PLPPR1: variants seen among roughly 807,000 people sequenced by gnomAD.
PLPPR1 encodes phospholipid phosphatase related 1.
Under a neutral mutation model 33.1 loss-of-function variants are expected in PLPPR1, and 10 were observed. That is an observed-to-expected ratio of 0.30 (90% CI 0.19 to 0.51). The LOEUF (loss-of-function observed/expected upper bound fraction) is 0.51. Among genes scored for constraint, PLPPR1 ranks in the 20% least tolerant of loss-of-function variants. The pLI is 0.97. For missense variants in PLPPR1, 304 were observed against 408.1 expected (o/e 0.74, Z 2.20); for synonymous variants, 151 against 151.0 (o/e 1.00, Z 0.00).
intron 2 of PLPPR1, among the ~76,000 whole-genome samples, chr9:101,232,041 C>G (rs896895063): frequency 7.2e-5 from 11 of 152,056 alleles, no homozygotes; most frequent in African/African-American, 2.7e-4. Flanking sequence ...CACATTTCAG[C>G]ACTTTTATGC....
intron 3 of PLPPR1, among the ~76,000 whole-genome samples, chr9:101,270,327 T>C (rs1018214755): frequency 6.6e-6 from 1 of 152,248 alleles, no homozygotes; most frequent in South Asian, 2.1e-4. Flanking sequence ...GAGAATGTTA[T>C]AAATCAACAG....
At chr9:101,034,694 G>GAGTA (rs1039832428) in intron 1 of PLPPR1, among the ~76,000 whole-genome samples, 2 of 152,162 alleles carry the variant, frequency 1.3e-5, no homozygotes, top group African/African-American at 4.8e-5. Flanking sequence ...AGGTCGGACA[G>GAGTA]AGTAAGTACC....
chr9:101,182,497 A>G (rs1480230884), intron 1 of PLPPR1, among the ~76,000 whole-genome samples: 1 of 151,858 alleles, frequency 6.6e-6, no homozygotes, highest in African/African-American at 2.4e-5. Context: ...ATAAATATAT[A>G]TAACTATTAT....
chr9:101,181,666 G>GTA (rs1385026419), intron 1 of PLPPR1, among the ~76,000 whole-genome samples: 5 of 146,318 alleles, frequency 3.4e-5, no homozygotes, highest in African/African-American at 5.1e-5. Context: ...GTATGTATAT[G>GTA]TATATATATG....
At chr9:101,196,285 G>C (rs1401724342) in intron 2 of PLPPR1, among the ~76,000 whole-genome samples, 1 of 152,166 alleles carries the variant, frequency 6.6e-6, no homozygotes, top group Non-Finnish European at 1.5e-5. Flanking sequence ...TAGGAAGTCT[G>C]CTTTTAAGAG....
intron 7 of PLPPR1, among the ~76,000 whole-genome samples, chr9:101,320,201 A>G (rs193213594): frequency 2.8e-4 from 42 of 152,358 alleles, no homozygotes; most frequent in Non-Finnish European, 5.1e-4. Context: ...CTTTGTGATT[A>G]TGGATGCCGC....
intron 1 of PLPPR1, among the ~76,000 whole-genome samples, chr9:101,034,413 A>G (rs977782345): frequency 2.0e-5 from 3 of 152,134 alleles, no homozygotes; most frequent in African/African-American, 7.2e-5. Flanking sequence ...CCATACCTCA[A>G]TGGTACCACT....
chr9:101,124,118 G>T (rs776654446), intron 1 of PLPPR1, among the ~76,000 whole-genome samples: 1 of 152,040 alleles, frequency 6.6e-6, no homozygotes, highest in African/African-American at 2.4e-5. Context: ...ATTGAGCAAG[G>T]CACTTTCATG....
intron 2 of PLPPR1, among the ~76,000 whole-genome samples, chr9:101,223,217 T>A (rs1015276461): frequency 1.3e-5 from 2 of 149,606 alleles, no homozygotes; most frequent in African/African-American, 4.9e-5. Flanking sequence ...GAGCCTGTAG[T>A]GCCAGCTATT....
chr9:101,284,776 C>A (rs1346510561), intron 3 of PLPPR1, among the ~76,000 whole-genome samples: 1 of 152,108 alleles, frequency 6.6e-6, no homozygotes, highest in Non-Finnish European at 1.5e-5. Flanking sequence ...GACATTCCAG[C>A]ATGACAGGAG....
intron 4 of PLPPR1, among the ~76,000 whole-genome samples, chr9:101,295,526 G>T (rs1407019070): frequency 2.0e-5 from 3 of 151,990 alleles, no homozygotes; most frequent in African/African-American, 7.3e-5. Context: ...AAAGCTGGAG[G>T]CATCACACTA....
chr9:101,156,565 AAAAAAAAAG>A lies in PLPPR1; in HGVS notation c.-45-28881_-45-28873del, dbSNP rs1376695415. ...AAACCCTGTCTCCAAAAAAAAAAAAAAAAAAAAAGAAAGAAAGAAAGAAAAAAAAGAAAT... is the reference window on the plus strand; with the variant it reads ...AAACCCTGTCTCCAAAAAAAAAAAAAAAAGAAAGAAAGAAAAAAAAGAAAT... On this transcript the variant is annotated intron_variant, in intron 1 of 7. Coordinates refer to ENST00000374874, the MANE Select transcript of PLPPR1 (RefSeq NM_207299.2). Among the ~76,000 whole-genome samples, 185 of 148,106 alleles carry A rather than the reference AAAAAAAAAG, an allele frequency of 1.2e-3. 1 individual carries two copies. Among genetic ancestry groups the A allele is most frequent in the Non-Finnish European group, 2.0e-3 (132 of 66,840 alleles).
chr9:101,184,344 T>G (rs1030133286), intron 1 of PLPPR1, among the ~76,000 whole-genome samples: 18 of 151,878 alleles, frequency 1.2e-4, no homozygotes, highest in Admixed American at 3.9e-4. Context: ...GGATATGTAT[T>G]TTAAAGTTTC....
chr9:101,263,368 T>G (rs1031674583), intron 2 of PLPPR1, among the ~76,000 whole-genome samples: 2 of 152,334 alleles, frequency 1.3e-5, no homozygotes, highest in Middle Eastern at 3.4e-3. Context: ...TTAGACAATT[T>G]AGAATGAAGC....
At chr9:101,186,188 C>T (rs999451455) in intron 2 of PLPPR1, among the ~76,000 whole-genome samples, 1 of 151,668 alleles carries the variant, frequency 6.6e-6, no homozygotes, top group African/African-American at 2.4e-5. Context: ...TCTATGTTTG[C>T]TATAGAGGAG....
chr9:101,047,896 C>T (rs368575022), intron 1 of PLPPR1, among the ~76,000 whole-genome samples: 1 of 152,202 alleles, frequency 6.6e-6, no homozygotes. Flanking sequence ...GCTCAGGCTA[C>T]TGATCACAGC....
chr9:101,114,626 A>G (rs1179986342), intron 1 of PLPPR1, among the ~76,000 whole-genome samples: 2 of 152,236 alleles, frequency 1.3e-5, no homozygotes, highest in African/African-American at 4.8e-5. Context: ...GCACAGGCCA[A>G]CGCCTCAGGA....
rs1215977354 is a variant in PLPPR1, at chr9:101,108,004, G to A, written c.-45-77446G>A. ...GTGAGGCAATGCCTCGCCCTGCTTC[G>A]GCTCGCGCACGGTGCGCGCACACAC... On this transcript the variant is annotated intron_variant, in intron 1 of 7. Transcript: ENST00000374874. 9.4e-5 allele frequency among the ~76,000 whole-genome samples: 14 copies of A among 148,934 alleles called. No individual in the cohort carries two copies. The South Asian group carries it at 1.1e-3, about 11-fold the overall frequency.
rs141346459 is a variant in PLPPR1, at chr9:101,205,750, C to T, written c.63+20193C>T. Among the ~76,000 whole-genome samples the T allele has an allele frequency of 2.6e-4, 40 of 152,286 alleles. 2 individuals carry two copies. In the East Asian group the frequency reaches 7.7e-3, roughly 29 times the overall value. The stretch of plus-strand genomic sequence containing the variant: ...CTACTTATTGAAACTTTTCTTTATG[C>T]TGGGCCGTATGCCAGGCACTGAAGT... On this transcript the variant is annotated intron_variant, in intron 2 of 7. Coordinates refer to ENST00000374874, the MANE Select transcript of PLPPR1 (RefSeq NM_207299.2).
Sources: gnomAD v4.1 joint callset for allele counts (sites outside exome capture counted in the v4.1 genomes callset) on GRCh38, gnomAD v4.1.1 for gene constraint, MANE v1.5 for transcripts, NCBI Gene and HGNC (gene_info 2026-07-23, HGNC 2026-07-21) for gene names.